Variants in DPP10 observed in about 807,000 individuals in gnomAD.
DPP10 encodes the protein dipeptidyl peptidase like 10.
Under a neutral mutation model 120.9 loss-of-function variants are expected in DPP10, and 33 were observed. The observed-to-expected ratio is 0.27, with a 90% CI of 0.21 to 0.37. DPP10 has a LOEUF of 0.37. Ranked by LOEUF, DPP10 falls within the 10% of genes least tolerant of loss-of-function variation. The probability of loss-of-function intolerance (pLI) is 1.00; values close to 1 mark genes in which losing one functional copy is unlikely to be tolerated. For synonymous variants in DPP10, 337 were observed against 326.1 expected, an observed-to-expected ratio of 1.03 and a Z score of -0.36; for missense variants, 816 against 942.8, an observed-to-expected ratio of 0.87 and a Z score of 1.76.
rs796179191 is a variant in DPP10, at chr2:115,194,230, G to GT, written c.61-114998dup. ...GGGTTACTGGGTTAAGGAGTTTGTT[G>GT]TTTTTTTTTTTGAGACGGAGCTTCG... On this transcript the variant is annotated intron_variant, in intron 1 of 25. Coordinates refer to ENST00000410059, the MANE Select transcript of DPP10 (RefSeq NM_020868.6). Among the ~76,000 whole-genome samples the GT allele has an allele frequency of 2.4e-3, 359 of 146,756 alleles. 2 individuals are homozygous for GT. Among genetic ancestry groups the GT allele is most frequent in the African/African-American group, 6.1e-3 (248 of 40,390 alleles).
chr2:114,817,364 C>T (rs1685726630), intron 1 of DPP10, among the ~76,000 whole-genome samples: 1 of 151,778 alleles, frequency 6.6e-6, no homozygotes, highest in African/African-American at 2.4e-5. Flanking sequence ...GAAGCTATGC[C>T]ACTCTTATGT....
At chr2:115,044,571 G>GC (rs1467804841) in intron 1 of DPP10, among the ~76,000 whole-genome samples, 2 of 151,938 alleles carry the variant, frequency 1.3e-5, no homozygotes, top group Non-Finnish European at 2.9e-5. Context: ...ATTAGAAACT[G>GC]CCCCCATGAT....
At chr2:115,438,098 G>C (rs1223592736) in intron 3 of DPP10, among the ~76,000 whole-genome samples, 1 of 151,836 alleles carries the variant, frequency 6.6e-6, no homozygotes, top group Admixed American at 6.6e-5. Flanking sequence ...CAAAAACCAT[G>C]ATTAAAAAAT....
At chr2:114,445,567 T>TGTGTGTGTGTGTTCTCCTCC (rs1189688077) in intron 1 of DPP10, among the ~76,000 whole-genome samples, 2 of 151,480 alleles carry the variant, frequency 1.3e-5, no homozygotes, top group African/African-American at 4.9e-5. Flanking sequence ...TGTGTGTGTG[T>TGTGTGTGTGTGTTCTCCTCC]GTGTGTGTGT....
At chr2:114,587,603 A>G (rs966236391) in intron 1 of DPP10, among the ~76,000 whole-genome samples, 8 of 152,246 alleles carry the variant, frequency 5.3e-5, no homozygotes, top group Admixed American at 4.6e-4. Flanking sequence ...TAGAGATTCT[A>G]AAGGGGATCA....
chr2:114,831,702 T>A (rs2106401595), intron 1 of DPP10, among the ~76,000 whole-genome samples: 1 of 152,224 alleles, frequency 6.6e-6, no homozygotes, highest in Non-Finnish European at 1.5e-5. Context: ...AAATTCTATT[T>A]AATGCAATTG....
intron 1 of DPP10, among the ~76,000 whole-genome samples, chr2:114,495,140 G>A (rs1299584560): frequency 1.3e-5 from 2 of 152,056 alleles, no homozygotes; most frequent in East Asian, 1.9e-4. Flanking sequence ...AAATGTGAAC[G>A]TTTTCATGGG....
intron 1 of DPP10, among the ~76,000 whole-genome samples, chr2:114,453,793 G>C (rs560411702): frequency 9.9e-5 from 15 of 152,044 alleles, no homozygotes; most frequent in Non-Finnish European, 1.9e-4. Flanking sequence ...ATACTAAATG[G>C]CTTCATTTTA....
At chr2:114,670,187 T>A (rs920251477) in intron 1 of DPP10, among the ~76,000 whole-genome samples, 2 of 152,168 alleles carry the variant, frequency 1.3e-5, no homozygotes, top group African/African-American at 2.4e-5. Context: ...CCCAAAGGAC[T>A]ATAAATCATG....
At chr2:114,847,248 A>G (rs886423299) in intron 1 of DPP10, among the ~76,000 whole-genome samples, 6 of 152,026 alleles carry the variant, frequency 3.9e-5, no homozygotes, top group Middle Eastern at 3.4e-3. Flanking sequence ...CTCCTTCACA[A>G]TTTCACACCT....
At chr2:115,491,125 A>G (rs749353403) in intron 3 of DPP10, among the ~76,000 whole-genome samples, 23 of 152,274 alleles carry the variant, frequency 1.5e-4, no homozygotes, top group Non-Finnish European at 3.1e-4. Context: ...ACTTTGTTTG[A>G]AAAACAAAAA....
chr2:114,613,190 T>C lies in DPP10; in HGVS notation c.60+170352T>C, dbSNP rs191785113. 8.7e-4 allele frequency among the ~76,000 whole-genome samples: 132 copies of C among 152,312 alleles called. 1 individual carries two copies. Among genetic ancestry groups the C allele is most frequent in the Admixed American group, 6.5e-3 (99 of 15,282 alleles). ...TGATATTCCATTTTTAAGCATCCAA[T>C]CTATTCTATACACACTCATATTAGC... On this transcript the variant is annotated intron_variant, in intron 1 of 25. Transcript: ENST00000410059.
At chr2:114,690,053 G>A (rs894700869) in intron 1 of DPP10, among the ~76,000 whole-genome samples, 1 of 151,994 alleles carries the variant, frequency 6.6e-6, no homozygotes, top group Non-Finnish European at 1.5e-5. Context: ...TCTGATGACA[G>A]TTTCTTTTGC....
At chr2:114,482,239 G>A (rs1437208311) in intron 1 of DPP10, among the ~76,000 whole-genome samples, 1 of 152,124 alleles carries the variant, frequency 6.6e-6, no homozygotes, top group Non-Finnish European at 1.5e-5. Context: ...TAGAAATGGA[G>A]AACACATTAG....
intron 1 of DPP10, among the ~76,000 whole-genome samples, chr2:114,862,282 A>T (rs1018963063): frequency 6.6e-5 from 10 of 152,322 alleles, no homozygotes; most frequent in African/African-American, 1.9e-4. Context: ...TGGAAAAAAA[A>T]AAATAAAAAA....
intron 3 of DPP10, among the ~76,000 whole-genome samples, chr2:115,464,548 CAT>C (rs1415205667): frequency 9.9e-5 from 15 of 152,180 alleles, no homozygotes; most frequent in East Asian, 3.9e-4. Flanking sequence ...TTCAAACAAA[CAT>C]GTGTGAATGC....
At chr2:115,105,978 C>T (rs528979065) in intron 1 of DPP10, among the ~76,000 whole-genome samples, 1 of 152,250 alleles carries the variant, frequency 6.6e-6, no homozygotes, top group African/African-American at 2.4e-5. Context: ...TTTAATGTAA[C>T]TTAGAGGCTT....
chr2:114,556,025 T>C (rs1688266320), intron 1 of DPP10, among the ~76,000 whole-genome samples: 1 of 151,794 alleles, frequency 6.6e-6, no homozygotes, highest in African/African-American at 2.4e-5. Flanking sequence ...GGGAAAAGCC[T>C]GGGAAAGTTT....
At chr2:115,058,425 T>G (rs189517064) in intron 1 of DPP10, among the ~76,000 whole-genome samples, 40 of 152,264 alleles carry the variant, frequency 2.6e-4, no homozygotes, top group Admixed American at 9.2e-4. Context: ...TTTTATTTTA[T>G]TTTTCACTCG....
Sources: allele counts gnomAD v4.1 joint callset (sites outside exome capture counted in the v4.1 genomes callset), GRCh38; gene constraint gnomAD v4.1.1; transcripts MANE v1.5; gene names NCBI Gene and HGNC (gene_info 2026-07-23, HGNC 2026-07-21).